The following PLCH1 variants were observed in gnomAD, a reference collection of about 807,000 sequenced individuals.
PLCH1 encodes the protein 1-phosphatidylinositol 4,5-bisphosphate phosphodiesterase eta-1.
Under a neutral mutation model 126.7 loss-of-function variants are expected in PLCH1, and 60 were observed. That is an observed-to-expected ratio of 0.47 (90% CI 0.38 to 0.59). PLCH1 has a LOEUF of 0.59. Ranked by LOEUF, PLCH1 falls within the 20% of genes least tolerant of loss-of-function variation. The pLI is 0.00. For missense variants in PLCH1, 1,723 were observed against 2,040.0 expected (o/e 0.84, Z 2.99); for synonymous variants, 719 against 734.9 (o/e 0.98, Z 0.35).
At chr3:155,663,365 A>G (rs1742391680) in intron 2 of PLCH1, among the ~76,000 whole-genome samples, 1 of 152,198 alleles carries the variant, frequency 6.6e-6, no homozygotes, top group African/African-American at 2.4e-5. Flanking sequence ...AGATTTGGGT[A>G]ACTAAGAATA....
chr3:155,652,297 T>C (rs553906738), intron 2 of PLCH1, among the ~76,000 whole-genome samples: 14 of 152,320 alleles, frequency 9.2e-5, no homozygotes, highest in African/African-American at 3.1e-4. Flanking sequence ...GCACTGTATT[T>C]GCACAGTATC....
intron 17 of PLCH1, among the ~76,000 whole-genome samples, chr3:155,493,665 C>T (rs1039118115): frequency 3.9e-5 from 6 of 152,180 alleles, no homozygotes; most frequent in Non-Finnish European, 5.9e-5. Flanking sequence ...GAATTACAGG[C>T]GTCAGCCCCC....
chr3:155,731,405 C>T (rs1748762133), intron 1 of PLCH1, among the ~76,000 whole-genome samples: 1 of 152,152 alleles, frequency 6.6e-6, no homozygotes, highest in South Asian at 2.1e-4. Context: ...GGCTAACCCT[C>T]ATGGACCCAA....
intron 22 of PLCH1, 153 bp from the exon 23 acceptor site, chr3:155,483,204 G>A (rs1169998293): frequency 2.2e-6 from 2 of 912,474 alleles, no homozygotes; most frequent in African/African-American, 3.3e-5. Context: ...GCAACAAAGT[G>A]TCTGTGTGAT....
In PLCH1 at chr3:155,482,784, T is replaced by C. The variant is rs745812454; in HGVS notation, c.3242A>G (p.His1081Arg). The change falls in exon 23 of 23, where the codon CAT becomes CGT. Residue 1081 changes from histidine to arginine, a missense_variant. By Grantham distance (29) the His-to-Arg change is conservative. Coordinates refer to ENST00000460012, the MANE Select transcript of PLCH1 (RefSeq NM_014996.4). ...GTTAACTACAGGATCGGGAGCCAAA[T>C]GCTGCTTTGGGGAGAGAGACTTGCT... ...CPSKSLSPKQHLAPDPVVNPT... is the reference protein window; with the variant it reads ...CPSKSLSPKQRLAPDPVVNPT... 2 of 1,614,140 alleles carry C rather than the reference T, an allele frequency of 1.2e-6. No homozygotes were observed. Among genetic ancestry groups the C allele is most frequent in the Admixed American group, 1.7e-5 (1 of 59,998 alleles).
At chr3:155,682,093 G>T (rs1007629144) in intron 2 of PLCH1, among the ~76,000 whole-genome samples, 1 of 152,148 alleles carries the variant, frequency 6.6e-6, no homozygotes, top group African/African-American at 2.4e-5. Flanking sequence ...CTAACTGAAG[G>T]GTTAGACTTT....
intron 1 of PLCH1, among the ~76,000 whole-genome samples, chr3:155,724,686 T>C (rs907048382): frequency 2.6e-5 from 4 of 152,300 alleles, no homozygotes; most frequent in South Asian, 2.1e-4. Flanking sequence ...TTGTGAATTC[T>C]TATCATTCTG....
intron 2 of PLCH1, among the ~76,000 whole-genome samples, chr3:155,597,545 C>T (rs1333568163): frequency 1.3e-5 from 2 of 152,120 alleles, no homozygotes; most frequent in African/African-American, 4.8e-5. Flanking sequence ...TGAGTACCTA[C>T]CTTATCAAGC....
rs753258422 is a variant in PLCH1 at position 155,659,302 on chromosome 3, C to CTTTTTTTTTTTT, written c.79+44832_79+44843dup. ...CCAGGCGTGAGATGTCTATTCACTT[C>CTTTTTTTTTTTT]TTTTTTTTTTTTTTTTTTTTTTTTT... On this transcript the variant is annotated intron_variant, in intron 2 of 22. Transcript: ENST00000460012. Among the ~76,000 whole-genome samples, 18 of 30,846 alleles carry CTTTTTTTTTTTT rather than the reference C, an allele frequency of 5.8e-4. 6 individuals are homozygous for CTTTTTTTTTTTT. Among genetic ancestry groups the CTTTTTTTTTTTT allele is most frequent in the Non-Finnish European group, 1.0e-3 (14 of 13,866 alleles). The allele number at this position is 30,846 out of a possible 152,430, so 20.2% of individuals were successfully genotyped here.
chr3:155,671,637 T>C (rs1743468389), intron 2 of PLCH1, among the ~76,000 whole-genome samples: 1 of 152,190 alleles, frequency 6.6e-6, no homozygotes, highest in Non-Finnish European at 1.5e-5. Flanking sequence ...TGATGGTCAC[T>C]AGGTAGAGTA....
At chr3:155,609,394 C>T (rs1013884873) in intron 2 of PLCH1, among the ~76,000 whole-genome samples, 4 of 152,170 alleles carry the variant, frequency 2.6e-5, no homozygotes, top group Admixed American at 1.3e-4. Flanking sequence ...ATCTGGACAG[C>T]AGCCCTTGAA....
intron 1 of PLCH1, among the ~76,000 whole-genome samples, chr3:155,722,216 T>G (rs1577368301): frequency 6.6e-6 from 1 of 151,730 alleles, no homozygotes; most frequent in African/African-American, 2.4e-5. Flanking sequence ...CAGGCTGGAG[T>G]GCAATGACGT....
At chr3:155,594,504 C>T (rs948643489) in intron 3 of PLCH1, among the ~76,000 whole-genome samples, 10 of 151,840 alleles carry the variant, frequency 6.6e-5, no homozygotes, top group Non-Finnish European at 1.3e-4. Flanking sequence ...ACCTGGGAGG[C>T]GGAGGTTGCA....
rs1576850323 is a variant in PLCH1 at position 155,504,778 on chromosome 3, A to G, written c.1633-152T>C. 10 of 600,648 alleles carry G rather than the reference A, an allele frequency of 1.7e-5. No homozygotes were observed. The East Asian group carries it at 2.5e-4, about 15-fold the overall frequency. 37.2% of individuals were successfully genotyped at this position (600,648 alleles called of 1,614,324 possible). A position where few individuals can be genotyped will look rare whatever the true frequency, so the allele number is the denominator to read the frequency against. On this transcript the variant is annotated intron_variant, in intron 12 of 22. Transcript: ENST00000460012. ...CTCCACTCATTTCCTCCTGCTCCAC[A>G]CTCCACTACCACAAAGGTGGCTCTG... is the stretch of plus-strand genomic sequence containing the variant.
rs368401096 is a variant in PLCH1, at chr3:155,543,470, T to C, written c.1362+6317A>G. On this transcript the variant is annotated intron_variant, in intron 10 of 22. Coordinates refer to ENST00000460012, the MANE Select transcript of PLCH1 (RefSeq NM_014996.4). ...CCAAGTTGGAAAACACTCTGCAGGA[T>C]ATTATCCAGGAGAACTTCCCCAGTC... is the stretch of plus-strand genomic sequence containing the variant. Among the ~76,000 whole-genome samples the C allele has an allele frequency of 2.9e-3, 449 of 152,302 alleles. 1 individual carries two copies. Among genetic ancestry groups the C allele is most frequent in the South Asian group, 0.019 (93 of 4,820 alleles).
intron 1 of PLCH1, among the ~76,000 whole-genome samples, chr3:155,717,566 C>T (rs1413057677): frequency 2.6e-5 from 4 of 152,266 alleles, no homozygotes; most frequent in Admixed American, 1.3e-4. Context: ...GCCACCAAAG[C>T]TTATGGCTTG....
chr3:155,565,933 T>C (rs1459301024), intron 7 of PLCH1, among the ~76,000 whole-genome samples: 1 of 150,788 alleles, frequency 6.6e-6, no homozygotes, highest in Non-Finnish European at 1.5e-5. Flanking sequence ...CCTGACCTCA[T>C]GTGATCTGCC....
intron 5 of PLCH1, among the ~76,000 whole-genome samples, chr3:155,583,914 TAA>T (rs546555378): frequency 1.5e-5 from 2 of 136,526 alleles, no homozygotes; most frequent in Non-Finnish European, 1.6e-5. Flanking sequence ...AAAGAAACCT[TAA>T]AAAAAAAAAA....
chr3:155,520,230 C>G (rs1315707979), intron 11 of PLCH1, among the ~76,000 whole-genome samples: 1 of 152,168 alleles, frequency 6.6e-6, no homozygotes, highest in Non-Finnish European at 1.5e-5. Flanking sequence ...GTAACTCATG[C>G]TGTCTTTGAG....
Sources: gnomAD v4.1 joint callset for allele counts (sites outside exome capture counted in the v4.1 genomes callset) on GRCh38, gnomAD v4.1.1 for gene constraint, MANE v1.5 for transcripts, NCBI Gene and HGNC (gene_info 2026-07-23, HGNC 2026-07-21) for gene names.